GAPVD1: variants seen among roughly 807,000 people sequenced by gnomAD.
The protein encoded by GAPVD1 is GTPase-activating protein and VPS9 domain-containing protein 1.
A neutral mutation model predicts 155.5 loss-of-function variants in GAPVD1; 35 were observed. The ratio of observed to expected loss-of-function variants is 0.23; its 90% CI spans 0.17 to 0.30. GAPVD1 has a LOEUF of 0.30. Among genes scored for constraint, GAPVD1 ranks in the 10% least tolerant of loss-of-function variants. The probability of loss-of-function intolerance (pLI) is 1.00; values close to 1 mark genes in which losing one functional copy is unlikely to be tolerated. For synonymous variants in GAPVD1, 636 were observed against 619.7 expected (o/e 1.03, Z -0.39); for missense variants, 1,429 against 1,775.7 (o/e 0.80, Z 3.51).
chr9:125,337,136 A>G (rs755736410), intron 16 of GAPVD1, 41 bp downstream of exon 16: 5 of 1,595,494 alleles, frequency 3.1e-6, no homozygotes, highest in South Asian at 1.1e-5. Context: ...TGTCACAGAC[A>G]GGAGGAGGAA....
At chr9:125,307,325 A>G in intron 6 of GAPVD1, 88 bp from the exon 7 acceptor site, 3 of 961,470 alleles carry the variant, frequency 3.1e-6, no homozygotes, top group South Asian at 4.2e-5. Flanking sequence ...AGATGTTTAA[A>G]TTTTTTCATG....
intron 6 of GAPVD1, among the ~76,000 whole-genome samples, chr9:125,305,941 C>T (rs150051117): frequency 6.6e-6 from 1 of 152,254 alleles, no homozygotes; most frequent in African/African-American, 2.4e-5. Flanking sequence ...ATGTCAGCCA[C>T]CATGCCTGGT....
At chr9:125,312,854 C>G (rs932855238) in intron 9 of GAPVD1, among the ~76,000 whole-genome samples, 6 of 152,070 alleles carry the variant, frequency 3.9e-5, no homozygotes, top group African/African-American at 1.4e-4. Flanking sequence ...GAGTGTCACT[C>G]TTGTTGCCCA....
chr9:125,345,582 C>T (rs929623377), intron 19 of GAPVD1, among the ~76,000 whole-genome samples: 2 of 152,194 alleles, frequency 1.3e-5, no homozygotes, highest in Non-Finnish European at 2.9e-5. Flanking sequence ...CAGTTTACTA[C>T]AATTTCACGG....
chr9:125,349,262 T>C (rs187081953), intron 20 of GAPVD1, 128 bp from the exon 21 acceptor site: 2 of 766,392 alleles, frequency 2.6e-6, no homozygotes, highest in East Asian at 5.1e-5. Context: ...TTTTCTTTCT[T>C]TTTTTTCCAG....
In GAPVD1 at chr9:125,316,697, C is replaced by T. The variant is rs146386145; in HGVS notation, c.1602+4085C>T. 5.1e-3 allele frequency among the ~76,000 whole-genome samples: 775 copies of T among 152,264 alleles called. 9 individuals are homozygous for T. The highest frequency in any genetic ancestry group is 0.017 in the African/African-American group (716 of 41,552). On this transcript the variant is annotated intron_variant, in intron 9 of 27. Coordinates refer to ENST00000297933, the MANE Select transcript of GAPVD1 (RefSeq NM_001282680.3). Reference sequence around the variant, plus strand: ...CTATTGTGAATAGTGCTTCAATAAACGTATGTGTGCATGTGTCTTTATAGT... The same window carrying T: ...CTATTGTGAATAGTGCTTCAATAAATGTATGTGTGCATGTGTCTTTATAGT...
At chr9:125,293,263 G>A (rs796750344) in intron 2 of GAPVD1, among the ~76,000 whole-genome samples, 2 of 152,162 alleles carry the variant, frequency 1.3e-5, no homozygotes, top group African/African-American at 4.8e-5. Flanking sequence ...GGATATGTTT[G>A]AATCTTGGGT....
At position 125,264,099 on chromosome 9, in the gene GAPVD1, C is replaced by A. The variant is rs1397366587; in HGVS notation, c.-199+2140C>A. Reference sequence around the variant, plus strand: ...ATGGCAATCTGGTTCTTTAGAAGAACATTTGAATCATTGAAGGCAGACAGG... The same window carrying A: ...ATGGCAATCTGGTTCTTTAGAAGAAAATTTGAATCATTGAAGGCAGACAGG... On this transcript the variant is annotated intron_variant, in intron 1 of 27. Transcript: ENST00000297933. 1.1e-5 allele frequency: 8 copies of A among 756,982 alleles called. No homozygotes were observed. The East Asian group carries it at 2.0e-4, about 19-fold the overall frequency. 46.9% of individuals were successfully genotyped at this position (756,982 alleles called of 1,614,324 possible).
chr9:125,299,895 T>C (rs967757130), intron 4 of GAPVD1, among the ~76,000 whole-genome samples: 7 of 143,082 alleles, frequency 4.9e-5, no homozygotes, highest in African/African-American at 1.8e-4. Flanking sequence ...GGCATACGCC[T>C]GTAATCCCAG....
At chr9:125,274,463 C>CT (rs1161944755) in intron 2 of GAPVD1, among the ~76,000 whole-genome samples, 238 of 137,922 alleles carry the variant, frequency 1.7e-3, no homozygotes, top group Middle Eastern at 7.9e-3. Flanking sequence ...GCGCTTTGTA[C>CT]TTTTTTTTTT....
In GAPVD1 at chr9:125,332,431, G is replaced by T. The variant is rs1172478172; in HGVS notation, c.2309-79G>T. On this transcript the variant is annotated intron_variant, in intron 14 of 27. Transcript: ENST00000297933. ...GGACACAAAATTCGAGAATGTTTCA[G>T]TTTCTCCAAATTTCATATACTTTTT... 9 of 1,204,412 alleles carry T rather than the reference G, an allele frequency of 7.5e-6. No homozygotes were observed. The African/African-American group carries it at 1.4e-4, about 18-fold the overall frequency. The allele number at this position is 1,204,412 out of a possible 1,614,324, so 74.6% of individuals were successfully genotyped here. A position where few individuals can be genotyped will look rare whatever the true frequency, so the allele number is the denominator to read the frequency against.
intron 2 of GAPVD1, among the ~76,000 whole-genome samples, chr9:125,285,453 GTTTTTTTTTT>G (rs10659223): frequency 1.1e-5 from 1 of 94,686 alleles, no homozygotes; most frequent in Admixed American, 1.3e-4. Context: ...TTTTTTCTTT[GTTTTTTTTTT>G]TTTTTTTTTT....
intron 2 of GAPVD1, among the ~76,000 whole-genome samples, chr9:125,276,321 A>G (rs1835777860): frequency 6.6e-6 from 1 of 152,200 alleles, no homozygotes; most frequent in South Asian, 2.1e-4. Context: ...AAAACCAAAT[A>G]ATACTGACTA....
At chr9:125,301,305 A>G (rs537695675) in intron 4 of GAPVD1, among the ~76,000 whole-genome samples, 51 of 152,220 alleles carry the variant, frequency 3.4e-4, no homozygotes, top group African/African-American at 1.1e-3. Context: ...CCTGGGCTCA[A>G]GTGATCCTCC....
chr9:125,343,643 C>G (rs1201966107), intron 19 of GAPVD1, among the ~76,000 whole-genome samples: 1 of 152,206 alleles, frequency 6.6e-6, no homozygotes, highest in East Asian at 1.9e-4. Flanking sequence ...CTGAGAGCAG[C>G]TAAGCCTGTC....
intron 9 of GAPVD1, among the ~76,000 whole-genome samples, chr9:125,316,134 A>G (rs1044316374): frequency 6.6e-6 from 1 of 152,260 alleles, no homozygotes. Context: ...GCAACAACCA[A>G]CTAGGGGTTA....
In GAPVD1 at chr9:125,302,091, A is replaced by G. The variant is rs1278435089; in HGVS notation, c.294A>G (p.Glu98=). ...GATTTCAGGAGACTGCTTATGGAGA[A>G]TTCTTGAGTCGATTGAGGGAAAATC... ...QLGFQETAYG[E]FLSRLRENPR... Residue 98 remains glutamate, a synonymous_variant, in exon 5 of 28, where the codon GAA becomes GAG. Transcript: ENST00000297933. 2 of 1,613,702 alleles carry G rather than the reference A, an allele frequency of 1.2e-6. No homozygotes were observed. Among genetic ancestry groups the G allele is most frequent in the Admixed American group, 3.3e-5 (2 of 59,936 alleles).
chr9:125,288,526 A>G (rs771893496), intron 2 of GAPVD1, among the ~76,000 whole-genome samples: 5 of 152,152 alleles, frequency 3.3e-5, no homozygotes, highest in Admixed American at 6.6e-5. Flanking sequence ...TAATAAGAAT[A>G]TGTCATTGAA....
chr9:125,298,481 ATTTTTTTTTTTTTT>A (rs34644117), intron 3 of GAPVD1, among the ~76,000 whole-genome samples: 11 of 89,250 alleles, frequency 1.2e-4, no homozygotes, highest in Non-Finnish European at 2.0e-4. Context: ...ATGTAACCTA[ATTTTTTTTTTTTTT>A]TTTTTTTTTT....
Sources: gnomAD v4.1 joint callset for allele counts (sites outside exome capture counted in the v4.1 genomes callset) on GRCh38, gnomAD v4.1.1 for gene constraint, MANE v1.5 for transcripts, NCBI Gene and HGNC (gene_info 2026-07-23, HGNC 2026-07-21) for gene names.